The following PREX1 variants were observed in gnomAD, a reference collection of about 807,000 sequenced individuals.
The protein encoded by PREX1 is phosphatidylinositol-3,4,5-trisphosphate dependent Rac exchange factor 1.
Under a neutral mutation model 198.3 loss-of-function variants are expected in PREX1, and 41 were observed. The ratio of observed to expected loss-of-function variants is 0.21; its 90% CI spans 0.16 to 0.27. PREX1 has a LOEUF of 0.27. PREX1 is among the 10% of genes least tolerant of loss of function. The pLI is 1.00. For synonymous variants in PREX1, 843 were observed against 887.2 expected, an observed-to-expected ratio of 0.95 and a Z score of 0.89; for missense variants, 1,620 against 2,200.7, an observed-to-expected ratio of 0.74 and a Z score of 5.28.
the PREX1 span, among the ~76,000 whole-genome samples, chr20:48,878,773 A>G: frequency 6.6e-6 from 1 of 152,216 alleles, no homozygotes; most frequent in Non-Finnish European, 1.5e-5. Context: ...AACATCCAAC[A>G]GCATTCCAGA....
intron 1 of PREX1, among the ~76,000 whole-genome samples, chr20:48,753,611 G>GA (rs530993838): frequency 5.9e-4 from 90 of 152,194 alleles, no homozygotes; most frequent in African/African-American, 2.2e-3. Context: ...TTAAAACCTA[G>GA]AAAAAAATCC....
chr20:48,634,610 C>T, intron 33 of PREX1, 66 bp downstream of exon 33: 2 of 1,525,788 alleles, frequency 1.3e-6, no homozygotes, highest in Admixed American at 3.4e-5. Flanking sequence ...AGGGTGACCC[C>T]AGAGAGCTGT....
At chr20:48,757,922 C>T (rs141160435) in intron 1 of PREX1, among the ~76,000 whole-genome samples, 1 of 152,340 alleles carries the variant, frequency 6.6e-6, no homozygotes, top group African/African-American at 2.4e-5. Context: ...TACAAAATTA[C>T]CAATCAACTC....
the PREX1 span, among the ~76,000 whole-genome samples, chr20:48,870,050 C>T: frequency 2.0e-5 from 3 of 152,110 alleles, no homozygotes; most frequent in Admixed American, 6.6e-5. Flanking sequence ...CCTGAATAAC[C>T]TCCTACATAT....
Position 48,642,276 on chromosome 20 carries a change from T to C in PREX1, c.3685-18A>G. ...GAGTCCACCTGGGTGGCAAGAAGCCTGGGGTTGGTTTGGGCCCCGTGGCCC... is the reference window on the plus strand; with the variant it reads ...GAGTCCACCTGGGTGGCAAGAAGCCCGGGGTTGGTTTGGGCCCCGTGGCCC... On this transcript the variant is annotated intron_variant, in intron 28 of 39. Transcript: ENST00000371941. The C allele has an allele frequency of 6.2e-7, 1 of 1,613,640 alleles. No individual in the cohort carries two copies. The highest frequency in any genetic ancestry group is 8.5e-7 in the Non-Finnish European group (1 of 1,179,528).
intron 1 of PREX1, among the ~76,000 whole-genome samples, chr20:48,750,780 G>A (rs2090130790): frequency 6.6e-6 from 1 of 152,186 alleles, no homozygotes; most frequent in African/African-American, 2.4e-5. Flanking sequence ...GCTCCTAAGG[G>A]AAAGGCCAGG....
At chr20:48,759,549 C>CAAAAAAAAA (rs386393896) in intron 1 of PREX1, among the ~76,000 whole-genome samples, 24 of 73,654 alleles carry the variant, frequency 3.3e-4, no homozygotes, top group East Asian at 1.7e-3. Flanking sequence ...GATTCCATCT[C>CAAAAAAAAA]AAAAAAAAAA....
the PREX1 span, among the ~76,000 whole-genome samples, chr20:48,841,201 T>C: frequency 1.1e-4 from 16 of 152,184 alleles, no homozygotes; most frequent in Non-Finnish European, 2.4e-4. Context: ...GGATTACCGA[T>C]GGGAGCCACT....
chr20:48,679,370 G>A lies in PREX1; in HGVS notation c.1579C>T (p.Pro527Ser). The A allele has an allele frequency of 2.5e-6, 4 of 1,613,222 alleles. No individual in the cohort carries two copies. The highest frequency in any genetic ancestry group is 3.4e-6 in the Non-Finnish European group (4 of 1,179,252). ...GAAAGAGTAACTTACTTGATCACCG[G>A]GGTGTAGAGGCTGTGAAGACGGCAG... The part of the protein sequence containing the change: ...LYCRLHSLYT[P>S]VIKDRDYHLK... The change falls in exon 13 of 40, where the codon CCG becomes TCG. Residue 527 changes from proline (P) to serine (S), a missense_variant. Transcript: ENST00000371941.
intron 1 of PREX1, among the ~76,000 whole-genome samples, chr20:48,784,804 G>A (rs2090304581): frequency 6.6e-6 from 1 of 152,240 alleles, no homozygotes; most frequent in South Asian, 2.1e-4. Context: ...TGGCTGGACA[G>A]AAGCAGCCAC....
At chr20:48,807,361 T>C (rs1442172711) in intron 1 of PREX1, among the ~76,000 whole-genome samples, 2 of 152,030 alleles carry the variant, frequency 1.3e-5, no homozygotes, top group Non-Finnish European at 2.9e-5. Flanking sequence ...CAGCAACTTA[T>C]CCCTCCTTAA....
intron 39 of PREX1, 110 bp downstream of exon 39, chr20:48,627,438 G>T: frequency 8.1e-7 from 1 of 1,235,900 alleles, no homozygotes; most frequent in Non-Finnish European, 1.2e-6. Flanking sequence ...TAAATGAGAG[G>T]GGAAGCCCCA....
At chr20:48,640,926 T>C (rs1003201610) in intron 29 of PREX1, among the ~76,000 whole-genome samples, 7 of 149,318 alleles carry the variant, frequency 4.7e-5, no homozygotes, top group Non-Finnish European at 1.0e-4. Flanking sequence ...AAGTGGGTAG[T>C]TGGGTGGAGG....
At chr20:48,786,839 G>A (rs111698139) in intron 1 of PREX1, among the ~76,000 whole-genome samples, 7 of 1,386 alleles carry the variant, frequency 5.1e-3, no homozygotes, top group South Asian at 0.033. Flanking sequence ...GAGAAAGAAA[G>A]AAAAAGAGAG....
chr20:48,716,057 C>G (rs2089960914), intron 5 of PREX1, among the ~76,000 whole-genome samples: 1 of 152,120 alleles, frequency 6.6e-6, no homozygotes, highest in Non-Finnish European at 1.5e-5. Flanking sequence ...CACAAAGTGT[C>G]TAAGTAGGGC....
rs541907832 is a variant in PREX1 at position 48,764,992 on chromosome 20, G to C, written c.220-17112C>G. Among the ~76,000 whole-genome samples the C allele has an allele frequency of 9.9e-5, 15 of 152,196 alleles. No individual in the cohort carries two copies. In the South Asian group the frequency reaches 2.9e-3, roughly 29 times the overall value. On this transcript the variant is annotated intron_variant, in intron 1 of 39. Transcript: ENST00000371941. ...AGGAGCACAGCCCTGCTGGCACCTT[G>C]ATTTCAGCCCCGTAAGACCCAGTTC...
At position 48,734,110 on chromosome 20, in the gene PREX1, C is replaced by T. The variant is rs188722372; in HGVS notation, c.519+436G>A. ...TTATAATTAAATAATCCTAAAAATACTAGTAATCCTAATAACCATCATAAT... is the reference window on the plus strand; with the variant it reads ...TTATAATTAAATAATCCTAAAAATATTAGTAATCCTAATAACCATCATAAT... On this transcript the variant is annotated intron_variant, in intron 4 of 39. Coordinates refer to ENST00000371941, the MANE Select transcript of PREX1 (RefSeq NM_020820.4). Among the ~76,000 whole-genome samples, 54 of 152,300 alleles carry T rather than the reference C, an allele frequency of 3.5e-4. 2 individuals are homozygous for T. In the East Asian group the frequency reaches 7.3e-3, roughly 21 times the overall value.
intron 1 of PREX1, among the ~76,000 whole-genome samples, chr20:48,769,126 T>C (rs2090222725): frequency 6.6e-6 from 1 of 152,162 alleles, no homozygotes; most frequent in Non-Finnish European, 1.5e-5. Flanking sequence ...CACGAAGCCC[T>C]GGCTTCTTTG....
chr20:48,833,963 G>A, the PREX1 span, among the ~76,000 whole-genome samples: 1 of 152,044 alleles, frequency 6.6e-6, no homozygotes, highest in Non-Finnish European at 1.5e-5. Context: ...AGCACCTGTA[G>A]TCCCAGCTAC....
Sources: gnomAD v4.1 joint callset for allele counts (sites outside exome capture counted in the v4.1 genomes callset) on GRCh38, gnomAD v4.1.1 for gene constraint, MANE v1.5 for transcripts, NCBI Gene and HGNC (gene_info 2026-07-23, HGNC 2026-07-21) for gene names.